The following SDCCAG8 variants were observed in gnomAD, a reference collection of about 807,000 sequenced individuals.
SDCCAG8 encodes serologically defined colon cancer antigen 8.
SDCCAG8 carries 74 observed loss-of-function variants against 101.8 expected under a neutral mutation model. That is an observed-to-expected ratio of 0.73 (90% confidence interval 0.60 to 0.88). SDCCAG8 has a LOEUF of 0.88. Among genes scored for constraint, SDCCAG8 ranks in the 40% least tolerant of loss-of-function variants. The probability of loss-of-function intolerance (pLI) is 0.00; values close to 1 mark genes in which losing one functional copy is unlikely to be tolerated. For synonymous variants in SDCCAG8, 281 were observed against 292.9 expected (o/e 0.96, Z 0.41); for missense variants, 787 against 822.6 (o/e 0.96, Z 0.53).
intron 13 of SDCCAG8, among the ~76,000 whole-genome samples, chr1:243,395,569 C>G (rs895824868): frequency 6.6e-6 from 1 of 152,130 alleles, no homozygotes; most frequent in African/African-American, 2.4e-5. Context: ...TTATATATTA[C>G]ATGAGAATGA....
chr1:243,321,816 T>A (rs1242739606), intron 9 of SDCCAG8, among the ~76,000 whole-genome samples: 1 of 152,182 alleles, frequency 6.6e-6, no homozygotes, highest in Non-Finnish European at 1.5e-5. Flanking sequence ...GCCTGGCTAA[T>A]TTTTGTGTTT....
Position 243,294,482 on chromosome 1 carries a change from G to GGA in SDCCAG8, c.675+1280_675+1281dup, listed in dbSNP as rs757363774. Among the ~76,000 whole-genome samples, 11 of 99,946 alleles carry GGA rather than the reference G, an allele frequency of 1.1e-4. 1 individual carries two copies. In the South Asian group the frequency reaches 1.3e-3, roughly 12 times the overall value. The allele number at this position is 99,946 out of a possible 152,430, so 65.6% of individuals were successfully genotyped here. A position where few individuals can be genotyped will look rare whatever the true frequency, so the allele number is the denominator to read the frequency against. On this transcript the variant is annotated intron_variant, in intron 6 of 17. Transcript: ENST00000366541. The stretch of plus-strand genomic sequence containing the variant: ...CACTCCCCCCAAAAGGTGGGGGGGG[G>GGA]GAGAGAGAGAGAGAGAGAAAGAGCG...
chr1:243,256,197 TA>T lies in SDCCAG8; in HGVS notation c.25del (p.Thr9ProfsTer24), dbSNP rs1558186187. The part of the protein sequence containing the change: MAKSPENS[T>X]LEEILGQYQR... ...GCATGGCGAAGTCCCCGGAGAACTC[TA>T]CCCTGGAGGAGATTCTGGGGCAGTA... On this transcript the variant is annotated frameshift_variant, in exon 1 of 18. Transcript: ENST00000366541. LOFTEE classifies it high-confidence loss of function. 1.2e-6 allele frequency: 2 copies of T among 1,614,196 alleles called. No homozygotes were observed. The highest frequency in any genetic ancestry group is 8.5e-7 in the Non-Finnish European group (1 of 1,180,010).
At chr1:243,267,069 C>A (rs1250567775) in intron 1 of SDCCAG8, among the ~76,000 whole-genome samples, 1 of 151,864 alleles carries the variant, frequency 6.6e-6, no homozygotes, top group African/African-American at 2.4e-5. Flanking sequence ...ACGGTGAAAC[C>A]CTGTCTGTAC....
In SDCCAG8 at chr1:243,293,944, A is replaced by T. The variant is rs1290344274; in HGVS notation, c.675+725A>T. On this transcript the variant is annotated intron_variant, in intron 6 of 17. Coordinates refer to ENST00000366541, the MANE Select transcript of SDCCAG8 (RefSeq NM_006642.5). ...ATCTGCTCTTGAATACCTTTAATAAATTTTTTATTTCAGTTATTATACTTT... is the reference window on the plus strand; with the variant it reads ...ATCTGCTCTTGAATACCTTTAATAATTTTTTTATTTCAGTTATTATACTTT... 2.0e-5 allele frequency among the ~76,000 whole-genome samples: 3 copies of T among 152,090 alleles called. No individual in the cohort carries two copies. The East Asian group carries it at 5.8e-4, about 29-fold the overall frequency.
rs552017039 is a variant in SDCCAG8, at chr1:243,292,511, A to C, written c.547-580A>C. Among the ~76,000 whole-genome samples the C allele has an allele frequency of 2.0e-5, 3 of 152,294 alleles. No homozygotes were observed. In the East Asian group the frequency reaches 5.8e-4, roughly 29 times the overall value. ...GGACAGAGACCACATATATATTTGG[A>C]TTCAGATTGACAGGTTTCAGATTCT... On this transcript the variant is annotated intron_variant, in intron 5 of 17. Coordinates refer to ENST00000366541, the MANE Select transcript of SDCCAG8 (RefSeq NM_006642.5).
At chr1:243,433,817 T>A (rs2081959151) in intron 16 of SDCCAG8, among the ~76,000 whole-genome samples, 1 of 152,212 alleles carries the variant, frequency 6.6e-6, no homozygotes, top group Non-Finnish European at 1.5e-5. Flanking sequence ...TTGTCAATTC[T>A]TATGGACAGT....
intron 13 of SDCCAG8, among the ~76,000 whole-genome samples, chr1:243,410,561 A>G (rs2080101296): frequency 6.6e-6 from 1 of 152,158 alleles, no homozygotes; most frequent in South Asian, 2.1e-4. Flanking sequence ...GACATCAGTA[A>G]AAAGGTGAGT....
rs143846235 is a variant in SDCCAG8, at chr1:243,349,462, C to T, written c.1473+5131C>T. Reference sequence around the variant, plus strand: ...AGCCTAAAATATTTACTGTCTGACCCTTTACAGAAAAAGTTGCCAATCCCT... The same window carrying T: ...AGCCTAAAATATTTACTGTCTGACCTTTTACAGAAAAAGTTGCCAATCCCT... On this transcript the variant is annotated intron_variant, in intron 12 of 17. Coordinates refer to ENST00000366541, the MANE Select transcript of SDCCAG8 (RefSeq NM_006642.5). 3.0e-4 allele frequency among the ~76,000 whole-genome samples: 46 copies of T among 152,312 alleles called. No individual in the cohort carries two copies. The South Asian group carries it at 8.5e-3, about 28-fold the overall frequency.
chr1:243,413,107 A>G (rs192551689), intron 13 of SDCCAG8, among the ~76,000 whole-genome samples: 3 of 152,298 alleles, frequency 2.0e-5, no homozygotes, highest in East Asian at 3.9e-4. Context: ...TTGATGTGTA[A>G]CTCAACATTT....
chr1:243,268,008 T>C, intron 1 of SDCCAG8: 1 of 779,466 alleles, frequency 1.3e-6, no homozygotes, highest in African/African-American at 1.7e-5. Flanking sequence ...CTGGGATCCT[T>C]CTTTTCTTTC....
chr1:243,294,501 A>AAGAGAGAGAGAGAGAG (rs2070627731), intron 6 of SDCCAG8, among the ~76,000 whole-genome samples: 9 of 26,668 alleles, frequency 3.4e-4, no homozygotes, highest in African/African-American at 7.5e-4. Context: ...GAGAGAGAGA[A>AAGAGAGAGAGAGAGAG]AGAGCGAGAG....
At chr1:243,415,559 T>C (rs1312870067) in intron 13 of SDCCAG8, 143 bp from the exon 14 acceptor site, 1 of 1,064,386 alleles carries the variant, frequency 9.4e-7, no homozygotes, top group Non-Finnish European at 1.4e-6. Context: ...CCCCCTAAAG[T>C]GGGGGAGGGT....
intron 8 of SDCCAG8, among the ~76,000 whole-genome samples, chr1:243,310,258 A>G (rs1212326211): frequency 1.8e-4 from 27 of 152,172 alleles, no homozygotes; most frequent in South Asian, 2.1e-4. Flanking sequence ...TAGTCTCAAT[A>G]TAACTATTAA....
chr1:243,429,506 G>A (rs1386411427), intron 16 of SDCCAG8, among the ~76,000 whole-genome samples: 1 of 152,000 alleles, frequency 6.6e-6, no homozygotes, highest in Non-Finnish European at 1.5e-5. Context: ...TTCTATGAAG[G>A]AGAAATATAT....
intron 4 of SDCCAG8, among the ~76,000 whole-genome samples, chr1:243,277,344 A>G (rs1351507293): frequency 6.6e-6 from 1 of 152,206 alleles, no homozygotes; most frequent in Non-Finnish European, 1.5e-5. Context: ...GTTCTAATAG[A>G]TGTGTAGTGG....
chr1:243,378,213 A>T (rs2077715329), intron 12 of SDCCAG8, among the ~76,000 whole-genome samples: 1 of 151,814 alleles, frequency 6.6e-6, no homozygotes, highest in African/African-American at 2.4e-5. Flanking sequence ...AGTAATATTG[A>T]ACATCATAAT....
At chr1:243,326,488 T>C (rs1302226126) in intron 9 of SDCCAG8, among the ~76,000 whole-genome samples, 1 of 152,242 alleles carries the variant, frequency 6.6e-6, no homozygotes, top group Admixed American at 6.5e-5. Flanking sequence ...AAATAACGCT[T>C]CTTGATTTGC....
Position 243,259,816 on chromosome 1 carries a change from CAA to C in SDCCAG8, c.67+3577_67+3578del, listed in dbSNP as rs901622104. On this transcript the variant is annotated intron_variant, in intron 1 of 17. Transcript: ENST00000366541. ...CGCCACTGCACTCCAGCCTGGGTAA[CAA>C]GAGTGAAATCCTATCTCCAAAACAA... Among the ~76,000 whole-genome samples, 27 of 152,286 alleles carry C rather than the reference CAA, an allele frequency of 1.8e-4. No homozygotes were observed. In the South Asian group the frequency reaches 3.3e-3, roughly 19 times the overall value.
Sources: gnomAD v4.1 joint callset for allele counts (sites outside exome capture counted in the v4.1 genomes callset) on GRCh38, gnomAD v4.1.1 for gene constraint, MANE v1.5 for transcripts, NCBI Gene and HGNC (gene_info 2026-07-23, HGNC 2026-07-21) for gene names.